Variants in MAP4 observed in about 807,000 individuals in gnomAD.
MAP4 encodes microtubule-associated protein 4.
Under a neutral mutation model 170.2 loss-of-function variants are expected in MAP4, and 76 were observed. That is an observed-to-expected ratio of 0.45 (90% CI 0.37 to 0.54). MAP4 has a LOEUF of 0.54. MAP4 is among the 20% of genes least tolerant of loss of function. The probability of loss-of-function intolerance (pLI) is 0.00; values close to 1 mark genes in which losing one functional copy is unlikely to be tolerated. For missense variants in MAP4, 2,506 were observed against 2,748.0 expected (o/e 0.91, Z 1.97); for synonymous variants, 909 against 994.5 (o/e 0.91, Z 1.62).
chr3:47,937,336 C>G (rs998098535), intron 3 of MAP4, among the ~76,000 whole-genome samples: 3 of 152,130 alleles, frequency 2.0e-5, no homozygotes, highest in Non-Finnish European at 4.4e-5. Flanking sequence ...AAAGAACAAA[C>G]CACAGCATCC....
chr3:47,880,721 C>T (rs1209991187), intron 10 of MAP4, among the ~76,000 whole-genome samples: 3 of 152,150 alleles, frequency 2.0e-5, no homozygotes, highest in African/African-American at 7.2e-5. Flanking sequence ...CATCAGCTTC[C>T]CAAAGTGCTG....
chr3:48,010,194 A>G (rs1051841194), intron 1 of MAP4, among the ~76,000 whole-genome samples: 3 of 152,224 alleles, frequency 2.0e-5, no homozygotes, highest in African/African-American at 7.2e-5. Context: ...CACCAGGAAA[A>G]AAACCCATGA....
At chr3:47,863,937 T>TGTGTGTGTGTGTGGGGGG in intron 17 of MAP4, among the ~76,000 whole-genome samples, 1 of 138,478 alleles carries the variant, frequency 7.2e-6, no homozygotes, top group African/African-American at 2.7e-5. Context: ...TGTGTGTGTG[T>TGTGTGTGTGTGTGGGGGG]GGGGAGTGGT....
chr3:47,864,686 A>G (rs1404077120), intron 17 of MAP4, among the ~76,000 whole-genome samples: 1 of 152,002 alleles, frequency 6.6e-6, no homozygotes, highest in Non-Finnish European at 1.5e-5. Context: ...CAAAAATAAA[A>G]TAATAACATA....
chr3:47,911,656 A>G lies in MAP4; in HGVS notation c.2765T>C (p.Leu922Pro). 1 of 1,536,052 alleles carries G rather than the reference A, an allele frequency of 6.5e-7. No individual in the cohort carries two copies. Among genetic ancestry groups the G allele is most frequent in the East Asian group, 2.4e-5 (1 of 40,920 alleles). Residue 922 changes from leucine (L) to proline (P), a missense_variant, in exon 9 of 21, where the codon CTC (leucine) becomes CCC (proline). By Grantham distance (98) the Leu-to-Pro change is moderately conservative. This residue lies in a region of MAP4 where 2,008 missense variants were observed against 2,206.0 expected (regional missense o/e 0.91). Transcript: ENST00000683076. The surrounding 1 kb of genome is among the most constrained non-coding windows in gnomAD (Gnocchi z 4.0). The part of the protein sequence containing the change: ...PVDKSQSVGP[L>P]NLKGPLAEVS... ...TTCTGCTAGGGGTCCTTTCAGATTG[A>G]GAGGGCCTACTGACTGGCTTTTATC... is the stretch of plus-strand genomic sequence containing the variant.
At chr3:48,005,401 A>G (rs1413045294) in intron 1 of MAP4, among the ~76,000 whole-genome samples, 3 of 152,142 alleles carry the variant, frequency 2.0e-5, no homozygotes, top group South Asian at 4.1e-4. Flanking sequence ...ATAAACAGCA[A>G]TCTGGAGAAC....
intron 1 of MAP4, among the ~76,000 whole-genome samples, chr3:48,056,444 G>A (rs1371135716): frequency 6.8e-4 from 65 of 95,906 alleles, no homozygotes; most frequent in African/African-American, 2.6e-3. Context: ...GAGGTGGGGG[G>A]GTCAGCCCCC....
chr3:47,891,071 G>A lies in MAP4; in HGVS notation c.5434+11879C>T, dbSNP rs1273704948. On this transcript the variant is annotated intron_variant, in intron 10 of 20. Transcript: ENST00000683076. Reference sequence around the variant, plus strand: ...CAGGAACGATGGAGTGCTCTGGGTTGCAGTGACCTCAATTTCTTTCTTCCC... The same window carrying A: ...CAGGAACGATGGAGTGCTCTGGGTTACAGTGACCTCAATTTCTTTCTTCCC... 3 of 1,531,476 alleles carry A rather than the reference G, an allele frequency of 2.0e-6. No homozygotes were observed. The Admixed American group carries it at 6.0e-5, about 31-fold the overall frequency. The allele number at this position is 1,531,476 out of a possible 1,614,324, so 94.9% of individuals were successfully genotyped here.
chr3:47,919,597 C>A (rs1034356069), intron 5 of MAP4, among the ~76,000 whole-genome samples: 1 of 152,120 alleles, frequency 6.6e-6, no homozygotes, highest in African/African-American at 2.4e-5. Flanking sequence ...TGTGAGACAC[C>A]GCGCCCGGCC....
At chr3:47,917,697 G>A (rs1374595454) in intron 6 of MAP4, among the ~76,000 whole-genome samples, 2 of 152,046 alleles carry the variant, frequency 1.3e-5, no homozygotes, top group African/African-American at 4.8e-5. Flanking sequence ...GGGAGGACAA[G>A]TAGTGGAGGA....
Position 47,915,968 on chromosome 3 carries a change from G to T in MAP4, c.1859C>A (p.Thr620Asn). The change falls in exon 7 of 21, where the codon ACT (threonine) becomes AAT (asparagine). Residue 620 changes from threonine to asparagine, a missense_variant. Thr to Asn is a moderately conservative substitution (Grantham distance 65). Coordinates refer to ENST00000683076, the MANE Select transcript of MAP4 (RefSeq NM_001385682.1). Reference protein sequence around the residue: ...LQDVGQSAAPTFMISPETVTG... With the variant: ...LQDVGQSAAPNFMISPETVTG... ...GCACGTACCTGGTGAAATCATGAAA[G>T]TAGGTGCAGCTGACTGCCCCACATC... 6.2e-7 allele frequency: 1 copy of T among 1,611,970 alleles called. No individual in the cohort carries two copies. The highest frequency in any genetic ancestry group is 8.5e-7 in the Non-Finnish European group (1 of 1,178,904).
intron 10 of MAP4, among the ~76,000 whole-genome samples, chr3:47,887,703 A>T (rs2097848784): frequency 6.6e-6 from 1 of 152,220 alleles, no homozygotes; most frequent in Non-Finnish European, 1.5e-5. Context: ...GAGTCTTTAT[A>T]TCTACCTCAG....
At chr3:47,973,083 G>A (rs1456293436) in intron 3 of MAP4, 3 of 980,716 alleles carry the variant, frequency 3.1e-6, no homozygotes, top group Non-Finnish European at 3.6e-6. Context: ...AGTCCATAAG[G>A]TGTTAATGTA....
rs138440659 is a variant in MAP4 at position 47,973,263 on chromosome 3, G to GAA, written c.292+4600_292+4601dup. 5.9e-5 allele frequency: 58 copies of GAA among 975,782 alleles called. No individual in the cohort carries two copies. The African/African-American group carries it at 8.2e-4, about 14-fold the overall frequency. The allele number at this position is 975,782 out of a possible 1,614,324, so 60.4% of individuals were successfully genotyped here. On this transcript the variant is annotated intron_variant, in intron 3 of 20. Coordinates refer to ENST00000683076, the MANE Select transcript of MAP4 (RefSeq NM_001385682.1). The stretch of plus-strand genomic sequence containing the variant: ...CATCTTCAACATTGGGCCAAAAAAG[G>GAA]AAAAAAAAAGAGAGAGAGAAAGAGA...
At chr3:48,009,257 C>T (rs561415336) in intron 1 of MAP4, among the ~76,000 whole-genome samples, 28 of 152,230 alleles carry the variant, frequency 1.8e-4, no homozygotes, top group African/African-American at 6.5e-4. Flanking sequence ...CCCGCCACCA[C>T]ACCCAGCTAA....
chr3:48,054,498 C>T (rs1488242003), intron 1 of MAP4, among the ~76,000 whole-genome samples: 5 of 151,276 alleles, frequency 3.3e-5, no homozygotes, highest in African/African-American at 7.3e-5. Flanking sequence ...GGTGTGGTGG[C>T]GGGCGCCTGT....
intron 10 of MAP4, among the ~76,000 whole-genome samples, chr3:47,895,561 G>A (rs1243853769): frequency 6.6e-6 from 1 of 152,202 alleles, no homozygotes; most frequent in African/African-American, 2.4e-5. Flanking sequence ...AGTGGTAGTT[G>A]GCCCTTATAT....
chr3:47,932,678 T>C (rs1274392030), intron 3 of MAP4, among the ~76,000 whole-genome samples: 1 of 152,190 alleles, frequency 6.6e-6, no homozygotes, highest in East Asian at 1.9e-4. Context: ...ACTAATGATG[T>C]TGAGCATTTT....
intron 1 of MAP4, among the ~76,000 whole-genome samples, chr3:48,027,120 C>T (rs62260788): frequency 0.06 from 9,119 of 152,198 alleles, 384 homozygotes; most frequent in Non-Finnish European, 0.091. Flanking sequence ...TCCTCTATTC[C>T]CAAAGCACTT....
Sources: gnomAD v4.1 joint callset for allele counts (sites outside exome capture counted in the v4.1 genomes callset) on GRCh38, gnomAD v4.1.1 for gene constraint, gnomAD v4.1.1 regional missense constraint, Gnocchi (gnomAD v3.1) non-coding constraint, MANE v1.5 for transcripts, NCBI Gene and HGNC (gene_info 2026-07-23, HGNC 2026-07-21) for gene names.